Variants in ZCCHC7 observed in about 807,000 individuals in gnomAD.
ZCCHC7 encodes the protein zinc finger CCHC-type containing 7.
In ZCCHC7, 35 loss-of-function variants were observed where a neutral mutation model predicts 52.0. The ratio of observed to expected loss-of-function variants is 0.67; its 90% CI spans 0.51 to 0.89. The LOEUF (loss-of-function observed/expected upper bound fraction) is 0.89. Ranked by LOEUF, ZCCHC7 falls within the 40% of genes least tolerant of loss-of-function variation. The pLI, the probability that ZCCHC7 is intolerant of heterozygous loss-of-function variation, is 0.00. For missense variants in ZCCHC7, 574 were observed against 649.1 expected (o/e 0.88, Z 1.26); for synonymous variants, 217 against 221.5 (o/e 0.98, Z 0.18).
At chr9:37,301,709 G>A (rs1230144120) in intron 2 of ZCCHC7, among the ~76,000 whole-genome samples, 1 of 152,180 alleles carries the variant, frequency 6.6e-6, no homozygotes, top group Admixed American at 6.5e-5. Flanking sequence ...TTATGTCTCA[G>A]TGCCCAGTGT....
intron 2 of ZCCHC7, among the ~76,000 whole-genome samples, chr9:37,267,550 G>A (rs1029864314): frequency 2.7e-5 from 4 of 148,738 alleles, no homozygotes; most frequent in Non-Finnish European, 5.9e-5. Context: ...GGACTACCAT[G>A]CACGGCTAAT....
At chr9:37,214,344 A>G (rs1328868916) in intron 2 of ZCCHC7, among the ~76,000 whole-genome samples, 1 of 152,062 alleles carries the variant, frequency 6.6e-6, no homozygotes, top group Non-Finnish European at 1.5e-5. Flanking sequence ...TTCTAGATAC[A>G]TAGAAAGGGA....
At chr9:37,123,121 G>A (rs1842390559) in intron 1 of ZCCHC7, among the ~76,000 whole-genome samples, 1 of 151,738 alleles carries the variant, frequency 6.6e-6, no homozygotes, top group African/African-American at 2.4e-5. Flanking sequence ...ATCTGATTTT[G>A]TTACCTAGTT....
chr9:37,343,023 T>C lies in ZCCHC7; in HGVS notation c.988-6334T>C, dbSNP rs74469698. ...TAAGCCAAACATAATCTTTGTATTA[T>C]GTGTGTGTACATATATAGTACATGC... On this transcript the variant is annotated intron_variant, in intron 6 of 8. Coordinates refer to ENST00000336755, the MANE Select transcript of ZCCHC7 (RefSeq NM_032226.3). Among the ~76,000 whole-genome samples, 36 of 152,372 alleles carry C rather than the reference T, an allele frequency of 2.4e-4. 1 individual carries two copies. The East Asian group carries it at 6.9e-3, about 29-fold the overall frequency.
chr9:37,249,698 C>A (rs1414518479), intron 2 of ZCCHC7, among the ~76,000 whole-genome samples: 1 of 152,050 alleles, frequency 6.6e-6, no homozygotes, highest in Non-Finnish European at 1.5e-5. Context: ...ATCTGCCCTC[C>A]TCGGCCTCCC....
intron 2 of ZCCHC7, among the ~76,000 whole-genome samples, chr9:37,258,193 GT>G (rs1395050969): frequency 1.3e-5 from 2 of 152,078 alleles, no homozygotes; most frequent in Admixed American, 1.3e-4. Flanking sequence ...TTATGTCTCT[GT>G]TCCTCAATTT....
intron 5 of ZCCHC7, among the ~76,000 whole-genome samples, chr9:37,314,109 T>G (rs1453282885): frequency 6.6e-6 from 1 of 152,182 alleles, no homozygotes. Flanking sequence ...AGCAGCTTAC[T>G]AGCAAGCTTA....
At chr9:37,269,618 CAAAAAAAAAAA>C (rs1170865355) in intron 2 of ZCCHC7, among the ~76,000 whole-genome samples, 999 of 27,184 alleles carry the variant, frequency 0.037, 12 homozygotes, top group Middle Eastern at 0.071. Context: ...GACTCTGTCT[CAAAAAAAAAAA>C]AAAAAAAAAA....
At chr9:37,231,430 T>C (rs573434800) in intron 2 of ZCCHC7, among the ~76,000 whole-genome samples, 58 of 152,210 alleles carry the variant, frequency 3.8e-4, no homozygotes, top group Non-Finnish European at 7.8e-4. Context: ...GATGTTTTAA[T>C]TTTGTTGGTG....
At chr9:37,131,414 G>A (rs1842779167) in intron 2 of ZCCHC7, among the ~76,000 whole-genome samples, 1 of 151,968 alleles carries the variant, frequency 6.6e-6, no homozygotes, top group South Asian at 2.1e-4. Context: ...GGGAGGCTGA[G>A]GTGGGTGGAT....
At chr9:37,161,303 G>A (rs556503380) in intron 2 of ZCCHC7, among the ~76,000 whole-genome samples, 5 of 152,122 alleles carry the variant, frequency 3.3e-5, no homozygotes, top group African/African-American at 1.2e-4. Context: ...AGCTGGGCGC[G>A]GTGGCTCACA....
At chr9:37,297,939 C>G (rs1367500285) in intron 2 of ZCCHC7, among the ~76,000 whole-genome samples, 2 of 152,264 alleles carry the variant, frequency 1.3e-5, no homozygotes, top group Middle Eastern at 3.4e-3. Flanking sequence ...TTTCAGAAAT[C>G]CAGCCCATAT....
chr9:37,289,426 G>A (rs1369511680), intron 2 of ZCCHC7, among the ~76,000 whole-genome samples: 1 of 152,142 alleles, frequency 6.6e-6, no homozygotes, highest in African/African-American at 2.4e-5. Context: ...TGGGATTACA[G>A]GCATGAGTCA....
chr9:37,207,868 A>AT (rs1002858863), intron 2 of ZCCHC7, among the ~76,000 whole-genome samples: 4 of 151,564 alleles, frequency 2.6e-5, no homozygotes, highest in African/African-American at 7.3e-5. Flanking sequence ...CATTGCCAGC[A>AT]TTTTTTTTCA....
intron 2 of ZCCHC7, among the ~76,000 whole-genome samples, chr9:37,169,352 T>G (rs148018401): frequency 2.5e-3 from 383 of 152,344 alleles, no homozygotes; most frequent in Middle Eastern, 0.024. Flanking sequence ...TCCACAAATA[T>G]GTTGTTAATA....
At chr9:37,251,619 G>C (rs1390280332) in intron 2 of ZCCHC7, among the ~76,000 whole-genome samples, 1 of 152,168 alleles carries the variant, frequency 6.6e-6, no homozygotes, top group Non-Finnish European at 1.5e-5. Flanking sequence ...GGACAAAAAG[G>C]ATTGAAAGTT....
At chr9:37,339,831 G>T (rs922380933) in intron 6 of ZCCHC7, among the ~76,000 whole-genome samples, 8 of 152,128 alleles carry the variant, frequency 5.3e-5, no homozygotes, top group African/African-American at 1.7e-4. Flanking sequence ...TAGTGAAATT[G>T]ATTACATATC....
intron 2 of ZCCHC7, among the ~76,000 whole-genome samples, chr9:37,187,510 G>C (rs902777940): frequency 1.3e-5 from 2 of 152,194 alleles, no homozygotes; most frequent in South Asian, 2.1e-4. Flanking sequence ...AACAGGCCAC[G>C]AACTGGTACT....
chr9:37,335,911 G>A (rs1288088796), intron 6 of ZCCHC7, among the ~76,000 whole-genome samples: 1 of 152,084 alleles, frequency 6.6e-6, no homozygotes, highest in Non-Finnish European at 1.5e-5. Flanking sequence ...TGAGTCTTAA[G>A]TGATAACTTC....
Sources: gnomAD v4.1 joint callset for allele counts (sites outside exome capture counted in the v4.1 genomes callset) on GRCh38, gnomAD v4.1.1 for gene constraint, MANE v1.5 for transcripts, NCBI Gene and HGNC (gene_info 2026-07-23, HGNC 2026-07-21) for gene names.